Variants in N4BP2 observed in about 807,000 individuals in gnomAD.
N4BP2 encodes NEDD4-binding protein 2.
In N4BP2, 91 loss-of-function variants were observed where a neutral mutation model predicts 152.8. The ratio of observed to expected loss-of-function variants is 0.60; its 90% CI spans 0.50 to 0.71. N4BP2 has a LOEUF of 0.71. N4BP2 is among the 30% of genes least tolerant of loss of function. The pLI is 0.00. For synonymous variants in N4BP2, 646 were observed against 705.3 expected, an observed-to-expected ratio of 0.92 and a Z score of 1.33; for missense variants, 1,923 against 2,059.1, an observed-to-expected ratio of 0.93 and a Z score of 1.28.
the N4BP2 span, among the ~76,000 whole-genome samples, chr4:40,176,334 CTGT>C: frequency 1.3e-5 from 2 of 152,020 alleles, no homozygotes; most frequent in African/African-American, 2.4e-5. Context: ...ATTTATTTTC[CTGT>C]TGTTGGACAT....
intron 2 of N4BP2, among the ~76,000 whole-genome samples, chr4:40,087,556 G>C (rs893737670): frequency 6.6e-6 from 1 of 151,786 alleles, no homozygotes; most frequent in Non-Finnish European, 1.5e-5. Context: ...GTAGAGACTG[G>C]GTTTTGCCAT....
chr4:40,156,486 C>T lies in N4BP2; in HGVS notation c.*2249C>T, dbSNP rs1030639159. On this transcript the variant is annotated 3_prime_UTR_variant, in exon 18 of 18. Coordinates refer to ENST00000261435, the MANE Select transcript of N4BP2 (RefSeq NM_018177.6). ...CATCATATGTATTTTTATGAAGCTGCTTAATTCCAAATTGCCTCCCACCCC... is the reference window on the plus strand; with the variant it reads ...CATCATATGTATTTTTATGAAGCTGTTTAATTCCAAATTGCCTCCCACCCC... 3 of 152,102 alleles carry T rather than the reference C, an allele frequency of 2.0e-5. No individual in the cohort carries two copies. The highest frequency in any genetic ancestry group is 7.2e-5 in the African/African-American group (3 of 41,426). 9.4% of individuals were successfully genotyped at this position (152,102 alleles called of 1,614,324 possible). A position where few individuals can be genotyped will look rare whatever the true frequency, so the allele number is the denominator to read the frequency against.
Position 40,102,987 on chromosome 4 carries a change from C to T in N4BP2, c.1142C>T (p.Ala381Val). The T allele has an allele frequency of 6.2e-7, 1 of 1,614,210 alleles. No individual in the cohort carries two copies. Among genetic ancestry groups the T allele is most frequent in the South Asian group, 1.1e-5 (1 of 91,082 alleles). ...DLFQGNHGFVAPVVTTAAHWR... is the reference protein window; with the variant it reads ...DLFQGNHGFVVPVVTTAAHWR... ...TTCCAAGGAAACCATGGCTTTGTAGCTCCTGTTGTAACCACAGCTGCACAC... is the reference window on the plus strand; with the variant it reads ...TTCCAAGGAAACCATGGCTTTGTAGTTCCTGTTGTAACCACAGCTGCACAC... The change falls in exon 4 of 18, where the codon GCT (alanine) becomes GTT (valine). Residue 381 changes from alanine (A) to valine (V), a missense_variant. Coordinates refer to ENST00000261435, the MANE Select transcript of N4BP2 (RefSeq NM_018177.6).
At chr4:40,057,982 T>C (rs897795556) in intron 1 of N4BP2, among the ~76,000 whole-genome samples, 1 of 152,192 alleles carries the variant, frequency 6.6e-6, no homozygotes, top group African/African-American at 2.4e-5. Flanking sequence ...CAGGATTGGC[T>C]GCTTTTTCTA....
intron 3 of N4BP2, among the ~76,000 whole-genome samples, chr4:40,098,923 A>G (rs1475558730): frequency 1.3e-5 from 2 of 152,268 alleles, no homozygotes; most frequent in African/African-American, 2.4e-5. Context: ...GCATTTGTCT[A>G]TGTTGCTGTA....
At chr4:40,137,167 G>T in intron 14 of N4BP2, 85 bp downstream of exon 14, 4 of 1,080,314 alleles carry the variant, frequency 3.7e-6, no homozygotes, top group Non-Finnish European at 5.1e-6. Flanking sequence ...ATAATTTAAT[G>T]ATTATTTCTC....
Position 40,121,294 on chromosome 4 carries a change from C to T in N4BP2, c.3183C>T (p.Asp1061=), listed in dbSNP as rs770613049. The T allele has an allele frequency of 6.2e-6, 10 of 1,613,506 alleles. No homozygotes were observed. The highest frequency in any genetic ancestry group is 3.3e-5 in the Admixed American group (2 of 59,834). The change falls in exon 9 of 18, where the codon GAC becomes GAT. Residue 1061 remains aspartate, a synonymous_variant. Coordinates refer to ENST00000261435, the MANE Select transcript of N4BP2 (RefSeq NM_018177.6). ...PKVFNINTKS[D]VQEAIPYRVM... ...TTTTCAATATTAACACAAAATCAGA[C>T]GTTCAAGAAGCAATTCCATATAGAG... is the stretch of plus-strand genomic sequence containing the variant.
the N4BP2 span, among the ~76,000 whole-genome samples, chr4:40,188,920 G>A: frequency 2.0e-5 from 3 of 152,042 alleles, no homozygotes; most frequent in Non-Finnish European, 2.9e-5. Flanking sequence ...CGAGGCGGGT[G>A]GATCACCTGA....
intron 2 of N4BP2, among the ~76,000 whole-genome samples, chr4:40,096,173 C>G (rs547147747): frequency 2.0e-5 from 3 of 152,130 alleles, no homozygotes; most frequent in African/African-American, 7.2e-5. Flanking sequence ...GGAGCTTACA[C>G]TTTATTGGAA....
intron 1 of N4BP2, among the ~76,000 whole-genome samples, chr4:40,070,712 A>T (rs552511015): frequency 6.6e-6 from 1 of 152,222 alleles, no homozygotes; most frequent in East Asian, 1.9e-4. Context: ...TGGCCTCGCA[A>T]AGTGCTGGGA....
chr4:40,173,288 T>C, the N4BP2 span, among the ~76,000 whole-genome samples: 4 of 152,184 alleles, frequency 2.6e-5, no homozygotes, highest in African/African-American at 9.7e-5. Flanking sequence ...TTACCCTAAA[T>C]GCAGGAACTC....
Position 40,107,039 on chromosome 4 carries a change from T to G in N4BP2, c.1498+15T>G. On this transcript the variant is annotated intron_variant, in intron 5 of 17. Transcript: ENST00000261435. ...CCAGAATCGTGGTAAGAACAGATAA[T>G]CAGATTCTGGGTAACGTTATGAGTA... The G allele has an allele frequency of 1.9e-6, 3 of 1,610,098 alleles. No individual in the cohort carries two copies. Among genetic ancestry groups the G allele is most frequent in the Non-Finnish European group, 2.5e-6 (3 of 1,178,560 alleles).
rs1218341930 is a variant in N4BP2, at chr4:40,106,900, G to A, written c.1374G>A (p.Arg458=). Residue 458 remains arginine (R), a splice_region_variant and synonymous_variant, in exon 5 of 18, where the codon AGG becomes AGA. Coordinates refer to ENST00000261435, the MANE Select transcript of N4BP2 (RefSeq NM_018177.6). The stretch of plus-strand genomic sequence containing the variant: ...AAATTATTTCATTTATCTTTCACAG[G>A]ACTTTGCAAGAGGATAATCCAAGTG... ...LPGSGKSFLA[R]TLQEDNPSGV... 1 of 1,599,936 alleles carries A rather than the reference G, an allele frequency of 6.3e-7. No homozygotes were observed.
intron 16 of N4BP2, among the ~76,000 whole-genome samples, chr4:40,148,264 T>C (rs1706032): frequency 0.78 from 119,322 of 152,218 alleles, 46,983 homozygotes; most frequent in East Asian, 0.97. Flanking sequence ...GCCTGGCCAA[T>C]ACAGCGAAAC....
the N4BP2 span, among the ~76,000 whole-genome samples, chr4:40,169,708 T>G: frequency 2.0e-5 from 3 of 151,416 alleles, no homozygotes; most frequent in African/African-American, 7.2e-5. Flanking sequence ...CTCTCGCTTG[T>G]AATCCCAGCA....
downstream of N4BP2, among the ~76,000 whole-genome samples, chr4:40,160,457 G>C (rs1721828383): frequency 6.6e-6 from 1 of 152,178 alleles, no homozygotes. Context: ...CTGTGATGTT[G>C]GGCAGTGGAG....
chr4:40,121,419 C>T lies in N4BP2; in HGVS notation c.3308C>T (p.Ser1103Leu), dbSNP rs752526829. 3 of 1,612,020 alleles carry T rather than the reference C, an allele frequency of 1.9e-6. No individual in the cohort carries two copies. Among genetic ancestry groups the T allele is most frequent in the South Asian group, 2.2e-5 (2 of 90,818 alleles). Residue 1103 changes from serine to leucine, a missense_variant, in exon 9 of 18, where the codon TCA becomes TTA. Transcript: ENST00000261435. ...CTTTGTAAACTGTTTGGATCCTTTT[C>T]ATTAGAAGCCCTGAAAGACTTATAT... is the stretch of plus-strand genomic sequence containing the variant. ...NILCKLFGSF[S>L]LEALKDLYER...
chr4:40,104,307 A>G (rs1330359133), intron 4 of N4BP2, among the ~76,000 whole-genome samples: 1 of 149,762 alleles, frequency 6.7e-6, no homozygotes, highest in Non-Finnish European at 1.5e-5. Context: ...TTAGCCTTCT[A>G]ACATTATCAG....
At chr4:40,177,560 G>A in the N4BP2 span, among the ~76,000 whole-genome samples, 1 of 152,106 alleles carries the variant, frequency 6.6e-6, no homozygotes, top group Non-Finnish European at 1.5e-5. Flanking sequence ...AGATTGCAGT[G>A]AGCTGAGATC....
Sources: gnomAD v4.1 joint callset for allele counts (sites outside exome capture counted in the v4.1 genomes callset) on GRCh38, gnomAD v4.1.1 for gene constraint, MANE v1.5 for transcripts, NCBI Gene and HGNC (gene_info 2026-07-23, HGNC 2026-07-21) for gene names.